Variants in SSBP4 observed in about 807,000 individuals in gnomAD.
The protein encoded by SSBP4 is single stranded DNA binding protein 4, also known as single-stranded DNA-binding protein 4.
SSBP4 carries 33 observed loss-of-function variants against 64.6 expected under a neutral mutation model. The ratio of observed to expected loss-of-function variants is 0.51; its 90% CI spans 0.39 to 0.68. SSBP4 has a LOEUF of 0.68. SSBP4 is among the 30% of genes least tolerant of loss of function. SSBP4 has a pLI of 0.00. For missense variants in SSBP4, 583 were observed against 566.8 expected (o/e 1.03, Z -0.29); for synonymous variants, 243 against 224.0 (o/e 1.08, Z -0.76).
Position 18,426,945 on chromosome 19 carries a change from C to T in SSBP4, c.60-406C>T, listed in dbSNP as rs1428977515. On this transcript the variant is annotated intron_variant, in intron 1 of 17. Transcript: ENST00000270061. The surrounding 1 kb of genome is among the most constrained non-coding windows in gnomAD (Gnocchi z 4.5). ...GGAGGACCCCTTCCCTCCTTCCTTC[C>T]TGGGCCGGGGAGGCTGGGGATGAGT... 6.6e-6 allele frequency among the ~76,000 whole-genome samples: 1 copy of T among 152,072 alleles called. No homozygotes were observed. Among genetic ancestry groups the T allele is most frequent in the Non-Finnish European group, 1.5e-5 (1 of 67,982 alleles).
At chr19:18,431,139 T>G (rs543909146) in intron 5 of SSBP4, among the ~76,000 whole-genome samples, 5 of 152,066 alleles carry the variant, frequency 3.3e-5, no homozygotes, top group Admixed American at 2.0e-4. Context: ...TCTGTGCACT[T>G]GGCCTGCACA....
At position 18,433,341 on chromosome 19, in the gene SSBP4, C is replaced by A. The variant is rs1973637409; in HGVS notation, c.991+128C>A. ...GTGGCGTCCTGAGCCCCCCGGGGGC[C>A]GCTCAGTGACAGGGGCTGCCCCGAG... On this transcript the variant is annotated intron_variant, in intron 15 of 17. Coordinates refer to ENST00000270061, the MANE Select transcript of SSBP4 (RefSeq NM_032627.5). The A allele has an allele frequency of 1.8e-5, 24 of 1,332,048 alleles. No individual in the cohort carries two copies. The South Asian group carries it at 3.3e-4, about 18-fold the overall frequency. The allele number at this position is 1,332,048 out of a possible 1,614,324, so 82.5% of individuals were successfully genotyped here. A position where few individuals can be genotyped will look rare whatever the true frequency, so the allele number is the denominator to read the frequency against.
chr19:18,411,280 G>C, the SSBP4 span, among the ~76,000 whole-genome samples: 3 of 152,060 alleles, frequency 2.0e-5, no homozygotes, highest in East Asian at 5.8e-4. Flanking sequence ...ATCACCTGAG[G>C]TCAGGAGTTT....
chr19:18,410,422 G>A, the SSBP4 span, among the ~76,000 whole-genome samples: 2 of 151,716 alleles, frequency 1.3e-5, no homozygotes, highest in Admixed American at 6.6e-5. Context: ...GTGAGTCACC[G>A]CGCCCGGCCT....
At chr19:18,409,948 C>T in the SSBP4 span, among the ~76,000 whole-genome samples, 2 of 152,212 alleles carry the variant, frequency 1.3e-5, no homozygotes, top group African/African-American at 4.8e-5. Context: ...TCTCCTGCCT[C>T]AGCCGCCTGA....
chr19:18,421,295 A>C (rs1008106471), intron 1 of SSBP4, among the ~76,000 whole-genome samples: 2 of 152,366 alleles, frequency 1.3e-5, no homozygotes, highest in Non-Finnish European at 2.9e-5. Flanking sequence ...TCCATTTCCA[A>C]GCACCCTTAA....
chr19:18,429,314 C>G (rs1973139371), intron 4 of SSBP4, among the ~76,000 whole-genome samples: 1 of 151,780 alleles, frequency 6.6e-6, no homozygotes, highest in Non-Finnish European at 1.5e-5. Flanking sequence ...AACGCCGGAG[C>G]GCCCAGCCCA....
At chr19:18,411,010 C>G in the SSBP4 span, among the ~76,000 whole-genome samples, 2 of 152,180 alleles carry the variant, frequency 1.3e-5, no homozygotes, top group Admixed American at 1.3e-4. Context: ...CGCGGTGGCT[C>G]ACGCCTGTAA....
the SSBP4 span, among the ~76,000 whole-genome samples, chr19:18,404,989 C>A: frequency 5.5e-5 from 8 of 145,944 alleles, no homozygotes; most frequent in Middle Eastern, 3.4e-3. Flanking sequence ...CCAGAGGCCC[C>A]CCCCCCCGCG....
chr19:18,432,839 G>C lies in SSBP4; in HGVS notation c.797G>C (p.Gly266Ala). 1 of 1,614,018 alleles carries C rather than the reference G, an allele frequency of 6.2e-7. No individual in the cohort carries two copies. The highest frequency in any genetic ancestry group is 8.5e-7 in the Non-Finnish European group (1 of 1,179,968). ...SSPGSYTGPPGGGGPPGTPIM... is the reference protein window; with the variant it reads ...SSPGSYTGPPAGGGPPGTPIM... Reference sequence around the variant, plus strand: ...GTCTCTTGTGTGCAGGGACCCCCAGGAGGAGGTGGGCCCCCTGGAACACCC... The same window carrying C: ...GTCTCTTGTGTGCAGGGACCCCCAGCAGGAGGTGGGCCCCCTGGAACACCC... Residue 266 changes from glycine to alanine, a missense_variant, in exon 13 of 18, where the codon GGA (glycine) becomes GCA (alanine). This residue lies in a region of SSBP4 where 444 missense variants were observed against 386.6 expected (regional missense o/e 1.15). Coordinates refer to ENST00000270061, the MANE Select transcript of SSBP4 (RefSeq NM_032627.5).
At chr19:18,425,780 CAT>C (rs913332336) in intron 1 of SSBP4, 3 of 152,546 alleles carry the variant, frequency 2.0e-5, no homozygotes, top group African/African-American at 7.2e-5. Flanking sequence ...CTTCACAGCT[CAT>C]GTGGTGCAGT....
intron 15 of SSBP4, 129 bp from the exon 16 acceptor site, chr19:18,433,456 T>G: frequency 3.4e-6 from 5 of 1,463,938 alleles, no homozygotes; most frequent in Non-Finnish European, 4.6e-6. Context: ...AGTCCCGGGG[T>G]TCCTGGCGGG....
In SSBP4 at chr19:18,432,528, C is replaced by A. The variant is rs200333773; in HGVS notation, c.705-31C>A. 1.1e-5 allele frequency: 17 copies of A among 1,551,404 alleles called. No individual in the cohort carries two copies. The East Asian group carries it at 3.2e-4, about 29-fold the overall frequency. Reference sequence around the variant, plus strand: ...AGGGCTGTGATCCACATGGACTAGCCCCAGAGTCTGTCATCCGCGGTCTCT... The same window carrying A: ...AGGGCTGTGATCCACATGGACTAGCACCAGAGTCTGTCATCCGCGGTCTCT... On this transcript the variant is annotated intron_variant, in intron 10 of 17. Transcript: ENST00000270061.
upstream of SSBP4, among the ~76,000 whole-genome samples, chr19:18,416,796 C>T (rs1972135583): frequency 6.6e-6 from 1 of 152,212 alleles, no homozygotes; most frequent in South Asian, 2.1e-4. Flanking sequence ...ATAATTTTTC[C>T]TCCCCGCCCT....
intron 17 of SSBP4, 27 bp downstream of exon 17, chr19:18,433,844 C>T (rs1292874883): frequency 7.4e-6 from 10 of 1,351,894 alleles, no homozygotes; most frequent in Admixed American, 7.2e-5. Context: ...ACTCCCCCCC[C>T]GCGGCGGCGT....
At position 18,433,613 on chromosome 19, in the gene SSBP4, G is replaced by A. The variant is rs1360513224; in HGVS notation, c.1020G>A (p.Lys340=). The A allele has an allele frequency of 5.3e-6, 8 of 1,497,712 alleles. No individual in the cohort carries two copies. The highest frequency in any genetic ancestry group is 3.7e-5 in the South Asian group (3 of 80,696). The allele number at this position is 1,497,712 out of a possible 1,614,324, so 92.8% of individuals were successfully genotyped here. A position where few individuals can be genotyped will look rare whatever the true frequency, so the allele number is the denominator to read the frequency against. ...LGSGDMDGLP[K]SSPGAVAGLS... ...CGGGCGACATGGACGGGTTGCCGAAGGTAAGGAGGCTGCGCTCTTGCCGGG... is the reference window on the plus strand; with the variant it reads ...CGGGCGACATGGACGGGTTGCCGAAAGTAAGGAGGCTGCGCTCTTGCCGGG... Residue 340 remains lysine (K), a splice_region_variant and synonymous_variant, in exon 16 of 18, where the codon AAG becomes AAA. Transcript: ENST00000270061.
intron 4 of SSBP4, among the ~76,000 whole-genome samples, chr19:18,430,514 A>G (rs1973273037): frequency 6.6e-6 from 1 of 152,056 alleles, no homozygotes; most frequent in South Asian, 2.1e-4. Flanking sequence ...AACTGCCGGT[A>G]TATTTGTGTG....
intron 15 of SSBP4, 146 bp downstream of exon 15, chr19:18,433,359 GC>G: frequency 7.8e-7 from 1 of 1,280,212 alleles, no homozygotes; most frequent in Non-Finnish European, 1.1e-6. Flanking sequence ...GACAGGGGCT[GC>G]CCCGAGCTGG....
chr19:18,432,792 G>C (rs1973546762), intron 12 of SSBP4, 37 bp from the exon 13 acceptor site: 30 of 1,613,670 alleles, frequency 1.9e-5, no homozygotes, highest in Non-Finnish European at 2.5e-5. Flanking sequence ...TGGCAGATGA[G>C]GGGCCATTTC....
Sources: gnomAD v4.1 joint callset for allele counts (sites outside exome capture counted in the v4.1 genomes callset) on GRCh38, gnomAD v4.1.1 for gene constraint, gnomAD v4.1.1 regional missense constraint, Gnocchi (gnomAD v3.1) non-coding constraint, MANE v1.5 for transcripts, NCBI Gene and HGNC (gene_info 2026-07-23, HGNC 2026-07-21) for gene names.